Variants in DNAAF9 observed in about 807,000 individuals in gnomAD.
DNAAF9 encodes the protein dynein axonemal assembly factor 9, also known as shulin.
Under a neutral mutation model 167.0 loss-of-function variants are expected in DNAAF9, and 90 were observed. The ratio of observed to expected loss-of-function variants is 0.54; its 90% CI spans 0.45 to 0.64. DNAAF9 has a LOEUF of 0.64. Ranked by LOEUF, DNAAF9 falls within the 30% of genes least tolerant of loss-of-function variation. DNAAF9 has a pLI of 0.00. For synonymous variants in DNAAF9, 491 were observed against 508.8 expected, an observed-to-expected ratio of 0.96 and a Z score of 0.47; for missense variants, 1,315 against 1,442.2, an observed-to-expected ratio of 0.91 and a Z score of 1.43.
chr20:3,253,905 A>G (rs562700744), intron 35 of DNAAF9, 86 bp from the exon 36 acceptor site: 1 of 801,896 alleles, frequency 1.2e-6, no homozygotes, highest in Non-Finnish European at 2.1e-6. Context: ...CTATTTCCCT[A>G]GCAAGATAGA....
chr20:3,351,923 A>T (rs1192726732), intron 7 of DNAAF9, among the ~76,000 whole-genome samples: 1 of 151,660 alleles, frequency 6.6e-6, no homozygotes, highest in Non-Finnish European at 1.5e-5. Context: ...ATCTCAGCTA[A>T]ATTTTTTGTA....
chr20:3,272,816 ATTT>A (rs1053952374), intron 29 of DNAAF9, among the ~76,000 whole-genome samples: 4 of 152,020 alleles, frequency 2.6e-5, no homozygotes, highest in African/African-American at 9.7e-5. Context: ...TAGTTTAATT[ATTT>A]TTTTATTATT....
chr20:3,364,107 TC>T lies in DNAAF9; in HGVS notation c.613-4515del, dbSNP rs796559522. 2.1e-4 allele frequency among the ~76,000 whole-genome samples: 32 copies of T among 152,164 alleles called. No individual in the cohort carries two copies. In the South Asian group the frequency reaches 6.6e-3, roughly 32 times the overall value. On this transcript the variant is annotated intron_variant, in intron 6 of 36. Coordinates refer to ENST00000252032, the MANE Select transcript of DNAAF9 (RefSeq NM_001009984.3). ...ACATGGCACTGCGCCCAGCTTTGGG[TC>T]CTTTTTTTGTATCTTCTATGGCTCA...
rs1438229772 is a variant in DNAAF9, at chr20:3,250,534, TCA to T, written c.*2036_*2037del. The stretch of plus-strand genomic sequence containing the variant: ...CAGTTTCATATTCAAGTTGAGGTAA[TCA>T]CAGTTTTTTCTCTAAGAGGAGAGGA... On this transcript the variant is annotated 3_prime_UTR_variant, in exon 37 of 37. Transcript: ENST00000252032. The T allele has an allele frequency of 1.3e-5, 2 of 152,236 alleles. No homozygotes were observed. The highest frequency in any genetic ancestry group is 6.5e-5 in the Admixed American group (1 of 15,290). The allele number at this position is 152,236 out of a possible 1,614,324, so 9.4% of individuals were successfully genotyped here.
At chr20:3,255,374 A>T (rs1482134885) in intron 34 of DNAAF9, 90 bp from the exon 35 acceptor site, 2 of 750,202 alleles carry the variant, frequency 2.7e-6, no homozygotes, top group Non-Finnish European at 4.7e-6. Flanking sequence ...TACACAACTA[A>T]GATCTCAGCA....
At chr20:3,380,532 G>A (rs1456627751) in intron 3 of DNAAF9, among the ~76,000 whole-genome samples, 4 of 152,228 alleles carry the variant, frequency 2.6e-5, no homozygotes, top group Non-Finnish European at 5.9e-5. Flanking sequence ...CTAGATGCCA[G>A]TGGCATCCCC....
chr20:3,322,167 T>A (rs1411949106), intron 16 of DNAAF9, 50 bp downstream of exon 16: 5 of 1,408,970 alleles, frequency 3.5e-6, no homozygotes, highest in Middle Eastern at 1.8e-4. Context: ...CTTACAGATG[T>A]CCCTCTACAG....
At chr20:3,332,899 T>G (rs201907415) in intron 10 of DNAAF9, among the ~76,000 whole-genome samples, 1,058 of 67,586 alleles carry the variant, frequency 0.016, 18 homozygotes, top group African/African-American at 0.063. Context: ...TGTGTGCGTG[T>G]GGTGTGTGTG....
chr20:3,359,778 T>G (rs962699041), intron 6 of DNAAF9, among the ~76,000 whole-genome samples, 185 bp from the exon 7 acceptor site: 1 of 152,362 alleles, frequency 6.6e-6, no homozygotes, highest in East Asian at 1.9e-4. Context: ...ACAAGGAAAC[T>G]ATTTTTTCAG....
At chr20:3,383,157 T>A (rs978483207) in intron 1 of DNAAF9, among the ~76,000 whole-genome samples, 3 of 152,176 alleles carry the variant, frequency 2.0e-5, no homozygotes, top group African/African-American at 7.2e-5. Context: ...CATCCCCTCC[T>A]TCCCAGAAGC....
chr20:3,250,518 A>T lies in DNAAF9; in HGVS notation c.*2054T>A, dbSNP rs2068180111. The T allele has an allele frequency of 6.6e-6, 1 of 152,196 alleles. No homozygotes were observed. The highest frequency in any genetic ancestry group is 2.4e-5 in the African/African-American group (1 of 41,450). The allele number at this position is 152,196 out of a possible 1,614,324, so 9.4% of individuals were successfully genotyped here. On this transcript the variant is annotated 3_prime_UTR_variant, in exon 37 of 37. Transcript: ENST00000252032. Reference sequence around the variant, plus strand: ...TGACTTTTTTCAATCACAGTTTCATATTCAAGTTGAGGTAATCACAGTTTT... The same window carrying T: ...TGACTTTTTTCAATCACAGTTTCATTTTCAAGTTGAGGTAATCACAGTTTT...
intron 1 of DNAAF9, among the ~76,000 whole-genome samples, chr20:3,404,517 T>C (rs576253651): frequency 3.9e-5 from 6 of 152,320 alleles, no homozygotes; most frequent in African/African-American, 1.2e-4. Flanking sequence ...ATTCTTTCAA[T>C]AGCTGAGGCA....
chr20:3,253,562 CCT>C (rs1180970206), intron 36 of DNAAF9, among the ~76,000 whole-genome samples, 162 bp downstream of exon 36: 2 of 152,122 alleles, frequency 1.3e-5, no homozygotes, highest in Admixed American at 1.3e-4. Flanking sequence ...AAAGTTCGCC[CCT>C]GAGGTTTGCC....
At position 3,318,408 on chromosome 20, in the gene DNAAF9, G is replaced by A. The variant is rs771479362; in HGVS notation, c.1357-8C>T. 35 of 1,413,974 alleles carry A rather than the reference G, an allele frequency of 2.5e-5. No homozygotes were observed. The highest frequency in any genetic ancestry group is 3.4e-5 in the Admixed American group (2 of 58,678). The allele number at this position is 1,413,974 out of a possible 1,614,324, so 87.6% of individuals were successfully genotyped here. The stretch of plus-strand genomic sequence containing the variant: ...ATAGACGGCCATACAAGCCTGCATT[G>A]AATGAGAAACCAGTTAGATCAGTTA... On this transcript the variant is annotated splice_polypyrimidine_tract_variant and splice_region_variant and intron_variant, in intron 16 of 36. Coordinates refer to ENST00000252032, the MANE Select transcript of DNAAF9 (RefSeq NM_001009984.3).
Position 3,254,203 on chromosome 20 carries a change from C to T in DNAAF9, c.3328-384G>A, listed in dbSNP as rs536274075. On this transcript the variant is annotated intron_variant, in intron 35 of 36. Coordinates refer to ENST00000252032, the MANE Select transcript of DNAAF9 (RefSeq NM_001009984.3). ...ATGCAATTCTCCTGCCTCAGCCTCC[C>T]GAGTAGCTGGGATTACAGGCATGCG... 1.6e-4 allele frequency among the ~76,000 whole-genome samples: 25 copies of T among 152,230 alleles called. No homozygotes were observed. In the South Asian group the frequency reaches 4.0e-3, roughly 24 times the overall value.
intron 7 of DNAAF9, among the ~76,000 whole-genome samples, chr20:3,350,874 G>A (rs2070309632): frequency 6.6e-6 from 1 of 152,000 alleles, no homozygotes; most frequent in African/African-American, 2.4e-5. Flanking sequence ...AAATCTATGA[G>A]TTCAAAATAC....
At chr20:3,282,650 T>C (rs1313448852) in intron 27 of DNAAF9, among the ~76,000 whole-genome samples, 2 of 152,208 alleles carry the variant, frequency 1.3e-5, no homozygotes, top group East Asian at 3.9e-4. Flanking sequence ...TGACCCCCTA[T>C]GGAGCAGCAA....
chr20:3,291,189 A>G (rs1252751823), intron 25 of DNAAF9, among the ~76,000 whole-genome samples: 1 of 152,180 alleles, frequency 6.6e-6, no homozygotes, highest in African/African-American at 2.4e-5. Context: ...ATACACCCAC[A>G]GGAAAATAGG....
intron 7 of DNAAF9, among the ~76,000 whole-genome samples, chr20:3,355,972 G>A (rs967209266): frequency 6.6e-6 from 1 of 151,650 alleles, no homozygotes; most frequent in Non-Finnish European, 1.5e-5. Flanking sequence ...CTTTTTCAAT[G>A]CTGTCTGGTT....
Sources: allele counts gnomAD v4.1 joint callset (sites outside exome capture counted in the v4.1 genomes callset), GRCh38; gene constraint gnomAD v4.1.1; transcripts MANE v1.5; gene names NCBI Gene and HGNC (gene_info 2026-07-23, HGNC 2026-07-21).